Variants in GLG1 observed in about 807,000 individuals in gnomAD.
GLG1 encodes Golgi apparatus protein 1.
A neutral mutation model predicts 160.5 loss-of-function variants in GLG1; 38 were observed. The ratio of observed to expected loss-of-function variants is 0.24; its 90% CI spans 0.18 to 0.31. The LOEUF (loss-of-function observed/expected upper bound fraction) is 0.31. GLG1 is among the 10% of genes least tolerant of loss of function. GLG1 has a pLI of 1.00. For synonymous variants in GLG1, 644 were observed against 543.4 expected (o/e 1.19, Z -2.57); for missense variants, 1,373 against 1,505.2 (o/e 0.91, Z 1.45).
chr16:74,462,855 C>T (rs2014855710), intron 20 of GLG1: 1 of 559,038 alleles, frequency 1.8e-6, no homozygotes, highest in African/African-American at 1.9e-5. Context: ...TTCTACTCTG[C>T]GGGGTTTTGT....
Position 74,462,084 on chromosome 16 carries a change from C to T in GLG1, c.3036+10G>A, listed in dbSNP as rs1219906470. ...CTCTGTGCGTAACCAGTTTTGCACG[C>T]AAATCCCACCTCGTCTGAGCAGTGC... On this transcript the variant is annotated intron_variant, in intron 22 of 25. Coordinates refer to ENST00000422840, the MANE Select transcript of GLG1 (RefSeq NM_001145667.2). 5 of 1,502,688 alleles carry T rather than the reference C, an allele frequency of 3.3e-6. No homozygotes were observed. Among genetic ancestry groups the T allele is most frequent in the Non-Finnish European group, 3.7e-6 (4 of 1,081,306 alleles). The allele number at this position is 1,502,688 out of a possible 1,614,324, so 93.1% of individuals were successfully genotyped here. A position where few individuals can be genotyped will look rare whatever the true frequency, so the allele number is the denominator to read the frequency against.
At chr16:74,584,439 T>C (rs1249547969) in intron 1 of GLG1, among the ~76,000 whole-genome samples, 1 of 151,714 alleles carries the variant, frequency 6.6e-6, no homozygotes, top group African/African-American at 2.4e-5. Flanking sequence ...TTAGGGTATC[T>C]TTCTTACAAA....
intron 12 of GLG1, among the ~76,000 whole-genome samples, chr16:74,475,960 T>C (rs571582927): frequency 2.2e-4 from 33 of 152,214 alleles, no homozygotes; most frequent in Middle Eastern, 3.4e-3. Flanking sequence ...GACAGGTGGA[T>C]TGCCTGAGCT....
In GLG1 at chr16:74,606,864, CTGCTGT is replaced by C. The variant is rs756985859; in HGVS notation, c.225_230del (p.Gln83_Gln84del). 3 of 1,598,190 alleles carry C rather than the reference CTGCTGT, an allele frequency of 1.9e-6. No homozygotes were observed. The highest frequency in any genetic ancestry group is 2.6e-6 in the Non-Finnish European group (3 of 1,173,664). ...GAGGCTGCTGTTGCTGTTGCTGCTG[CTGCTGT>C]TGCTGCTGAAGCTGCGATGACTGAG... On this transcript the variant is annotated inframe_deletion, in exon 1 of 26. Coordinates refer to ENST00000422840, the MANE Select transcript of GLG1 (RefSeq NM_001145667.2).
At chr16:74,484,762 T>C (rs1023621912) in intron 9 of GLG1, among the ~76,000 whole-genome samples, 1 of 152,078 alleles carries the variant, frequency 6.6e-6, no homozygotes, top group Non-Finnish European at 1.5e-5. Flanking sequence ...CAAGATTCTG[T>C]CTAAAAATAA....
intron 22 of GLG1, among the ~76,000 whole-genome samples, chr16:74,460,658 T>C (rs1022607106): frequency 6.6e-6 from 1 of 152,174 alleles, no homozygotes; most frequent in African/African-American, 2.4e-5. Flanking sequence ...CACAAACAGT[T>C]TCCTGGGGGT....
At chr16:74,505,699 C>CA (rs1240358922) in intron 3 of GLG1, among the ~76,000 whole-genome samples, 3 of 152,076 alleles carry the variant, frequency 2.0e-5, no homozygotes, top group African/African-American at 7.2e-5. Context: ...TAATAAAATA[C>CA]AAAAAATTAG....
At chr16:74,470,301 C>G (rs181310452) in intron 15 of GLG1, among the ~76,000 whole-genome samples, 1 of 147,162 alleles carries the variant, frequency 6.8e-6, no homozygotes, top group Non-Finnish European at 1.5e-5. Flanking sequence ...TCCTTCCTTC[C>G]TTCCCTCCCT....
intron 15 of GLG1, among the ~76,000 whole-genome samples, chr16:74,470,685 T>G (rs2015174357): frequency 6.6e-6 from 1 of 152,094 alleles, no homozygotes; most frequent in African/African-American, 2.4e-5. Flanking sequence ...TGACCTCAGG[T>G]GATCAGCCTG....
intron 12 of GLG1, among the ~76,000 whole-genome samples, chr16:74,475,767 A>G (rs950646673): frequency 2.6e-5 from 4 of 152,248 alleles, no homozygotes; most frequent in African/African-American, 9.6e-5. Context: ...TGTGAGGGGA[A>G]GAGAGGAGTT....
chr16:74,492,942 A>G lies in GLG1; in HGVS notation c.1234+15T>C. 6.5e-7 allele frequency: 1 copy of G among 1,531,704 alleles called. No homozygotes were observed. Among genetic ancestry groups the G allele is most frequent in the Non-Finnish European group, 8.8e-7 (1 of 1,136,456 alleles). 94.9% of individuals were successfully genotyped at this position (1,531,704 alleles called of 1,614,324 possible). The stretch of plus-strand genomic sequence containing the variant: ...GGAACAGAAATGATAATTAAAAAAA[A>G]AATATGAATGCTACCTCTGTGTACA... On this transcript the variant is annotated intron_variant, in intron 7 of 25. Transcript: ENST00000422840.
intron 4 of GLG1, among the ~76,000 whole-genome samples, chr16:74,502,301 A>G (rs1597276096): frequency 6.6e-6 from 1 of 152,166 alleles, no homozygotes. Context: ...CCAGATCTCT[A>G]TTGTGACCTT....
At chr16:74,536,768 G>A (rs2017698820) in intron 1 of GLG1, among the ~76,000 whole-genome samples, 1 of 152,240 alleles carries the variant, frequency 6.6e-6, no homozygotes, top group East Asian at 1.9e-4. Context: ...TCTACTGGGG[G>A]AATGGTTACT....
chr16:74,579,324 A>AG (rs1261048996), intron 1 of GLG1, among the ~76,000 whole-genome samples: 2 of 150,706 alleles, frequency 1.3e-5, no homozygotes, highest in East Asian at 4.0e-4. Context: ...CTGAGACAGG[A>AG]GGATCACCTG....
intron 1 of GLG1, among the ~76,000 whole-genome samples, chr16:74,579,444 AG>A (rs1370209947): frequency 6.6e-6 from 1 of 152,110 alleles, no homozygotes; most frequent in Non-Finnish European, 1.5e-5. Flanking sequence ...ACCCTTGGCC[AG>A]GCGCAGTGGC....
chr16:74,491,165 T>C lies in GLG1; in HGVS notation c.1285A>G (p.Met429Val). 1.2e-6 allele frequency: 2 copies of C among 1,614,196 alleles called. No individual in the cohort carries two copies. The highest frequency in any genetic ancestry group is 1.7e-6 in the Non-Finnish European group (2 of 1,180,018). The change falls in exon 8 of 26, where the codon ATG (methionine) becomes GTG (valine). Residue 429 changes from methionine to valine, a missense_variant. Around this residue, in one of 4 missense-constraint regions of GLG1, gnomAD observed 386 missense variants for 388.5 expected, o/e 0.99. Transcript: ENST00000422840. ...CQGEMLDYRRMLMEDFSLSPE... is the reference protein window; with the variant it reads ...CQGEMLDYRRVLMEDFSLSPE... ...CTCAGAGAAAAGTCTTCCATCAACA[T>C]GCGTCGGTAATCCAGCATCTCCCCC...
chr16:74,456,461 T>C (rs2014544519), intron 25 of GLG1, 188 bp downstream of exon 25: 3 of 566,604 alleles, frequency 5.3e-6, no homozygotes, highest in Non-Finnish European at 9.3e-6. Context: ...CGCCCGGCCC[T>C]GACCACGTTT....
At position 74,447,536 on chromosome 16, in the gene GLG1, A is replaced by T. The variant is rs998942662; in HGVS notation, c.*5631T>A. The T allele has an allele frequency of 1.3e-5, 2 of 152,276 alleles. No homozygotes were observed. Among genetic ancestry groups the T allele is most frequent in the South Asian group, 2.1e-4 (1 of 4,838 alleles). 9.4% of individuals were successfully genotyped at this position (152,276 alleles called of 1,614,324 possible). A position where few individuals can be genotyped will look rare whatever the true frequency, so the allele number is the denominator to read the frequency against. ...TATCTCAGTAACATCTCAAAATTAC[A>T]CAGCATGAACATGTAAAAACAAGGG... is the stretch of plus-strand genomic sequence containing the variant. On this transcript the variant is annotated 3_prime_UTR_variant, in exon 26 of 26. Coordinates refer to ENST00000422840, the MANE Select transcript of GLG1 (RefSeq NM_001145667.2).
chr16:74,510,834 G>A (rs1201174142), intron 2 of GLG1, among the ~76,000 whole-genome samples: 2 of 152,150 alleles, frequency 1.3e-5, no homozygotes, highest in Admixed American at 1.3e-4. Flanking sequence ...TTGGCTAATG[G>A]CATCACTGGG....
Sources: gnomAD v4.1 joint callset for allele counts (sites outside exome capture counted in the v4.1 genomes callset) on GRCh38, gnomAD v4.1.1 for gene constraint, gnomAD v4.1.1 regional missense constraint, MANE v1.5 for transcripts, NCBI Gene and HGNC (gene_info 2026-07-23, HGNC 2026-07-21) for gene names.